Variants in MSRA observed in about 807,000 individuals in gnomAD.
MSRA encodes methionine sulfoxide reductase A.
MSRA carries 54 observed loss-of-function variants against 31.3 expected under a neutral mutation model. The ratio of observed to expected loss-of-function variants is 1.73; its 90% confidence interval spans 1.39 to 2.17. The LOEUF (loss-of-function observed/expected upper bound fraction) is 2.17. Among genes scored for constraint, MSRA ranks in the 30% most tolerant of loss-of-function variants. The pLI is 0.00. For missense variants in MSRA, 507 were observed against 300.9 expected (o/e 1.69, Z -5.07); for synonymous variants, 169 against 116.5 (o/e 1.45, Z -2.90).
chr8:10,115,372 C>A (rs1196220305), intron 1 of MSRA, among the ~76,000 whole-genome samples: 1 of 152,192 alleles, frequency 6.6e-6, no homozygotes, highest in Non-Finnish European at 1.5e-5. Context: ...GATGCAGCCA[C>A]AGCCAGGAAC....
At chr8:10,104,015 A>G (rs79055967) in intron 1 of MSRA, among the ~76,000 whole-genome samples, 351 of 152,282 alleles carry the variant, frequency 2.3e-3, no homozygotes, top group African/African-American at 8.0e-3. Flanking sequence ...AACTGTTGCT[A>G]TCCTTTTGCA....
intron 5 of MSRA, among the ~76,000 whole-genome samples, chr8:10,396,990 T>C (rs530416752): frequency 6.6e-6 from 1 of 152,336 alleles, no homozygotes; most frequent in African/African-American, 2.4e-5. Flanking sequence ...CCAGACTCTA[T>C]GCTTTTTTAC....
intron 5 of MSRA, among the ~76,000 whole-genome samples, chr8:10,346,473 T>C (rs1413754112): frequency 6.6e-6 from 1 of 152,132 alleles, no homozygotes; most frequent in Non-Finnish European, 1.5e-5. Context: ...CATGCTGATA[T>C]GGAAATAAAC....
At chr8:10,140,201 A>G (rs1268743136) in intron 1 of MSRA, among the ~76,000 whole-genome samples, 1 of 152,078 alleles carries the variant, frequency 6.6e-6, no homozygotes, top group African/African-American at 2.4e-5. Context: ...GTTGGTTCTG[A>G]TTCTTCTCTG....
At chr8:10,408,461 G>C (rs1807956992) in intron 5 of MSRA, among the ~76,000 whole-genome samples, 1 of 152,060 alleles carries the variant, frequency 6.6e-6, no homozygotes, top group African/African-American at 2.4e-5. Flanking sequence ...GGGATCGCTG[G>C]AACCCAGAAT....
intron 1 of MSRA, among the ~76,000 whole-genome samples, chr8:10,109,960 A>T (rs1023961): frequency 0.83 from 126,106 of 152,056 alleles, 54,000 homozygotes; most frequent in East Asian, 0.96. Flanking sequence ...ATATGTAAAG[A>T]TTCGTCATAA....
At chr8:10,061,521 C>T (rs928117135) in intron 1 of MSRA, among the ~76,000 whole-genome samples, 1 of 152,058 alleles carries the variant, frequency 6.6e-6, no homozygotes, top group African/African-American at 2.4e-5. Context: ...TCTTATTGCA[C>T]GGAACTCGCA....
rs556443161 is a variant in MSRA, at chr8:10,057,317, C to T, written c.142+2659C>T. 3.9e-5 allele frequency among the ~76,000 whole-genome samples: 6 copies of T among 152,250 alleles called. No homozygotes were observed. In the East Asian group the frequency reaches 7.7e-4, roughly 20 times the overall value. On this transcript the variant is annotated intron_variant, in intron 1 of 5. Coordinates refer to ENST00000317173, the MANE Select transcript of MSRA (RefSeq NM_012331.5). ...AGATGGTCTCATTGTGCTTCAGTGC[C>T]TGACCACCAAGCAATACTCTGAGAA...
chr8:10,283,888 T>C (rs1344439130), intron 3 of MSRA, among the ~76,000 whole-genome samples: 1 of 144,184 alleles, frequency 6.9e-6, no homozygotes, highest in Admixed American at 7.0e-5. Context: ...ACAGTTTCTT[T>C]ATCTACTCAT....
chr8:10,181,762 G>A (rs990669655), intron 1 of MSRA, among the ~76,000 whole-genome samples: 1 of 152,180 alleles, frequency 6.6e-6, no homozygotes, highest in Admixed American at 6.5e-5. Flanking sequence ...TATTATGAAG[G>A]TCAAGCTGGT....
At chr8:10,173,852 C>T (rs1421242227) in intron 1 of MSRA, among the ~76,000 whole-genome samples, 2 of 152,170 alleles carry the variant, frequency 1.3e-5, no homozygotes, top group African/African-American at 4.8e-5. Flanking sequence ...TCACACCAGG[C>T]AGCATTTGTC....
At chr8:10,067,982 C>T (rs954875571) in intron 1 of MSRA, among the ~76,000 whole-genome samples, 2 of 148,528 alleles carry the variant, frequency 1.3e-5, no homozygotes, top group Admixed American at 6.9e-5. Flanking sequence ...CTCCCAGGCC[C>T]GAGTGATACT....
At chr8:10,287,597 C>G (rs1800003722) in intron 3 of MSRA, among the ~76,000 whole-genome samples, 1 of 152,168 alleles carries the variant, frequency 6.6e-6, no homozygotes, top group Non-Finnish European at 1.5e-5. Flanking sequence ...GAGACACACA[C>G]CGTTCTCATG....
rs558460097 is a variant in MSRA, at chr8:10,062,596, C to T, written c.142+7938C>T. Among the ~76,000 whole-genome samples, 6 of 152,274 alleles carry T rather than the reference C, an allele frequency of 3.9e-5. No individual in the cohort carries two copies. The South Asian group carries it at 8.3e-4, about 21-fold the overall frequency. ...CTCTGAGCAGTATCATGCCAACAGACACACGCATGTTATGTATTATGGCAC... is the reference window on the plus strand; with the variant it reads ...CTCTGAGCAGTATCATGCCAACAGATACACGCATGTTATGTATTATGGCAC... On this transcript the variant is annotated intron_variant, in intron 1 of 5. Coordinates refer to ENST00000317173, the MANE Select transcript of MSRA (RefSeq NM_012331.5).
At chr8:10,068,774 T>G (rs1292314688) in intron 1 of MSRA, among the ~76,000 whole-genome samples, 2 of 152,174 alleles carry the variant, frequency 1.3e-5, no homozygotes, top group African/African-American at 4.8e-5. Context: ...TTTCCCCCTT[T>G]CCATATAAAG....
chr8:10,116,672 T>C (rs1431924920), intron 1 of MSRA, among the ~76,000 whole-genome samples: 1 of 152,126 alleles, frequency 6.6e-6, no homozygotes, highest in Non-Finnish European at 1.5e-5. Flanking sequence ...TTGTAGATTT[T>C]ACATATGATG....
At chr8:10,352,800 C>T (rs746561191) in intron 5 of MSRA, among the ~76,000 whole-genome samples, 7 of 152,060 alleles carry the variant, frequency 4.6e-5, no homozygotes, top group East Asian at 1.9e-4. Flanking sequence ...GATCAGAACG[C>T]GTGCCAGAGC....
intron 5 of MSRA, among the ~76,000 whole-genome samples, chr8:10,327,121 A>G (rs1338134220): frequency 5.9e-5 from 9 of 152,220 alleles, no homozygotes; most frequent in Non-Finnish European, 1.3e-4. Flanking sequence ...TCCTTTGTAT[A>G]TATTTTACAA....
chr8:10,224,349 G>T lies in MSRA; in HGVS notation c.211+16448G>T, dbSNP rs538708161. 9.9e-5 allele frequency among the ~76,000 whole-genome samples: 15 copies of T among 152,216 alleles called. No individual in the cohort carries two copies. The East Asian group carries it at 2.9e-3, about 29-fold the overall frequency. ...TGTGAAGAATGGCATGAGGGTGTGA[G>T]ACAAGATTTGAAGAAACCAGATTGA... On this transcript the variant is annotated intron_variant, in intron 2 of 5. Coordinates refer to ENST00000317173, the MANE Select transcript of MSRA (RefSeq NM_012331.5).
Sources: allele counts gnomAD v4.1 joint callset (sites outside exome capture counted in the v4.1 genomes callset), GRCh38; gene constraint gnomAD v4.1.1; transcripts MANE v1.5; gene names NCBI Gene and HGNC (gene_info 2026-07-23, HGNC 2026-07-21).